Variants in TTC21B observed in about 807,000 individuals in gnomAD.
TTC21B encodes tetratricopeptide repeat domain 21B, also known as tetratricopeptide repeat protein 21B.
A neutral mutation model predicts 175.1 loss-of-function variants in TTC21B; 127 were observed. The ratio of observed to expected loss-of-function variants is 0.73; its 90% CI spans 0.63 to 0.84. The LOEUF is 0.84. Ranked by LOEUF, TTC21B falls within the 40% of genes least tolerant of loss-of-function variation. TTC21B has a pLI of 0.00. For missense variants in TTC21B, 1,561 were observed against 1,558.3 expected (o/e 1.00, Z -0.03); for synonymous variants, 524 against 524.5 (o/e 1.00, Z 0.01).
At chr2:165,894,222 A>C (rs1685287187) in intron 22 of TTC21B, among the ~76,000 whole-genome samples, 1 of 152,172 alleles carries the variant, frequency 6.6e-6, no homozygotes, top group Admixed American at 6.5e-5. Context: ...GTATGAAGGA[A>C]GGGGAAAGCT....
rs112960666 is a variant in TTC21B at position 165,902,526 on chromosome 2, T to G, written c.2569-616A>C. Among the ~76,000 whole-genome samples, 920 of 152,284 alleles carry G rather than the reference T, an allele frequency of 6.0e-3. 8 individuals are homozygous for G. Among genetic ancestry groups the G allele is most frequent in the South Asian group, 0.019 (92 of 4,822 alleles). ...GCTTTGAAACAGGTTTTCTTTTTTT[T>G]TTCTCAAGCCAGAGGTTTAGACAGT... is the stretch of plus-strand genomic sequence containing the variant. On this transcript the variant is annotated intron_variant, in intron 19 of 28. Coordinates refer to ENST00000243344, the MANE Select transcript of TTC21B (RefSeq NM_024753.5).
intron 6 of TTC21B, among the ~76,000 whole-genome samples, chr2:165,938,088 T>C (rs1687225421): frequency 6.9e-6 from 1 of 143,982 alleles, no homozygotes; most frequent in Admixed American, 7.2e-5. Flanking sequence ...GAAAAGACTG[T>C]GCAATTATAA....
intron 28 of TTC21B, 37 bp downstream of exon 28, chr2:165,876,128 C>T (rs1190862567): frequency 7.8e-7 from 1 of 1,286,990 alleles, no homozygotes; most frequent in South Asian, 1.2e-5. Flanking sequence ...AATTGTGCAT[C>T]TGAAAAATTT....
rs746470072 is a variant in TTC21B, at chr2:165,907,646, T to G, written c.2568+32A>C. ...TTTCCTTCTGCATCCATCTCCTACC[T>G]CATGACCACACTCACAGACAAATGT... On this transcript the variant is annotated intron_variant, in intron 19 of 28. Coordinates refer to ENST00000243344, the MANE Select transcript of TTC21B (RefSeq NM_024753.5). 7 of 1,457,480 alleles carry G rather than the reference T, an allele frequency of 4.8e-6. No homozygotes were observed. In the East Asian group the frequency reaches 1.6e-4, roughly 33 times the overall value. 90.3% of individuals were successfully genotyped at this position (1,457,480 alleles called of 1,614,324 possible). A position where few individuals can be genotyped will look rare whatever the true frequency, so the allele number is the denominator to read the frequency against.
At chr2:165,916,995 G>T (rs1479404012) in intron 14 of TTC21B, among the ~76,000 whole-genome samples, 1 of 152,040 alleles carries the variant, frequency 6.6e-6, no homozygotes, top group Non-Finnish European at 1.5e-5. Context: ...TCCTGCCTCA[G>T]CCTCCCGAGC....
intron 19 of TTC21B, among the ~76,000 whole-genome samples, chr2:165,907,313 T>A (rs941825785): frequency 6.6e-6 from 1 of 151,134 alleles, no homozygotes; most frequent in Non-Finnish European, 1.5e-5. Flanking sequence ...CCTAAGGAAA[T>A]CTGTGTAAAA....
At position 165,874,767 on chromosome 2, in the gene TTC21B, A is replaced by G. The variant is rs1060504949; in HGVS notation, c.3939T>C (p.Ser1313=). The G allele has an allele frequency of 6.2e-6, 10 of 1,613,646 alleles. No homozygotes were observed. Among genetic ancestry groups the G allele is most frequent in the Non-Finnish European group, 5.1e-6 (6 of 1,179,694 alleles). The change falls in exon 29 of 29, where the codon TCT becomes TCC. Residue 1313 remains serine, a synonymous_variant. Coordinates refer to ENST00000243344, the MANE Select transcript of TTC21B (RefSeq NM_024753.5). ...GTTAAAATTATTTTCAAGGTCTTAA[A>G]GACGCACGGGCCTTATCAAGTATAT... ...RKDILDKARA[S]LRP
intron 18 of TTC21B, among the ~76,000 whole-genome samples, chr2:165,908,554 G>A (rs1308952038): frequency 6.6e-6 from 1 of 152,066 alleles, no homozygotes; most frequent in East Asian, 1.9e-4. Flanking sequence ...TTCATGACAC[G>A]CCATGCCACT....
chr2:165,948,068 G>A (rs536627894), intron 3 of TTC21B: 1 of 152,088 alleles, frequency 6.6e-6, no homozygotes, highest in African/African-American at 2.4e-5. Flanking sequence ...CGGAGAAAGG[G>A]GATCCACAGA....
chr2:165,929,836 C>T, intron 9 of TTC21B, 89 bp from the exon 10 acceptor site: 1 of 872,522 alleles, frequency 1.1e-6, no homozygotes, highest in Non-Finnish European at 1.9e-6. Context: ...AATAAAACAC[C>T]CTTTCCCCCA....
At chr2:165,902,783 A>G (rs1192227221) in intron 19 of TTC21B, among the ~76,000 whole-genome samples, 1 of 152,230 alleles carries the variant, frequency 6.6e-6, no homozygotes, top group Non-Finnish European at 1.5e-5. Context: ...AAAAAACCTG[A>G]AAACAATTGG....
intron 23 of TTC21B, 44 bp downstream of exon 23, chr2:165,890,794 T>C (rs1470329011): frequency 6.3e-7 from 1 of 1,591,916 alleles, no homozygotes; most frequent in African/African-American, 1.4e-5. Flanking sequence ...TGATTTACAA[T>C]GAGAAAAAAA....
Position 165,911,360 on chromosome 2 carries a change from T to C in TTC21B, c.2428A>G (p.Lys810Glu), listed in dbSNP as rs1266544902. The change falls in exon 18 of 29, where the codon AAA becomes GAA. Residue 810 changes from lysine to glutamate, a missense_variant. Lys to Glu is a moderately conservative substitution (Grantham distance 56). Coordinates refer to ENST00000243344, the MANE Select transcript of TTC21B (RefSeq NM_024753.5). ...LKLKWYDKAE[K>E]VLQHALAHEP... Reference sequence around the variant, plus strand: ...TGAGCCAGAGCATGCTGAAGAACTTTTTCTGCTTTGTCATACCATTTCAAT... The same window carrying C: ...TGAGCCAGAGCATGCTGAAGAACTTCTTCTGCTTTGTCATACCATTTCAAT... 1 of 1,613,936 alleles carries C rather than the reference T, an allele frequency of 6.2e-7. No individual in the cohort carries two copies.
intron 12 of TTC21B, among the ~76,000 whole-genome samples, chr2:165,920,814 A>ATATTTTGAAATATTTCAAATATTT (rs1559060477): frequency 6.6e-6 from 1 of 151,908 alleles, no homozygotes; most frequent in Non-Finnish European, 1.5e-5. Flanking sequence ...AATATTTAAA[A>ATATTTTGAAATATTTCAAATATTT]ATGAGAAGTG....
intron 25 of TTC21B, among the ~76,000 whole-genome samples, chr2:165,884,855 T>C (rs576928671): frequency 1.4e-4 from 21 of 152,322 alleles, no homozygotes; most frequent in African/African-American, 4.6e-4. Context: ...AGAGGGATTA[T>C]GATGCATTTA....
intron 19 of TTC21B, among the ~76,000 whole-genome samples, chr2:165,905,816 C>T (rs761660242): frequency 6.6e-6 from 1 of 152,162 alleles, no homozygotes; most frequent in African/African-American, 2.4e-5. Context: ...ACCTAATTGA[C>T]ATACGGTTGA....
chr2:165,910,719 C>G (rs1685902617), intron 18 of TTC21B, among the ~76,000 whole-genome samples: 1 of 151,790 alleles, frequency 6.6e-6, no homozygotes, highest in Non-Finnish European at 1.5e-5. Context: ...GATATATAAA[C>G]AAAATAATAC....
intron 25 of TTC21B, among the ~76,000 whole-genome samples, chr2:165,885,455 G>A (rs1174582228): frequency 6.6e-6 from 1 of 152,124 alleles, no homozygotes; most frequent in Non-Finnish European, 1.5e-5. Flanking sequence ...GTAAGGGGTG[G>A]CAAAATGGTT....
chr2:165,894,551 CAT>C (rs902591890), intron 22 of TTC21B, among the ~76,000 whole-genome samples: 62 of 152,134 alleles, frequency 4.1e-4, no homozygotes, highest in African/African-American at 1.3e-3. Context: ...AAAAATATCA[CAT>C]AGACAATAAA....
Sources: allele counts gnomAD v4.1 joint callset (sites outside exome capture counted in the v4.1 genomes callset), GRCh38; gene constraint gnomAD v4.1.1; transcripts MANE v1.5; gene names NCBI Gene and HGNC (gene_info 2026-07-23, HGNC 2026-07-21).